The following BICC1 variants were observed in gnomAD, a reference collection of about 807,000 sequenced individuals.
The protein encoded by BICC1 is BicC family RNA binding protein 1.
Under a neutral mutation model 111.0 loss-of-function variants are expected in BICC1, and 43 were observed. The ratio of observed to expected loss-of-function variants is 0.39; its 90% CI spans 0.30 to 0.50. The LOEUF is 0.50. Ranked by LOEUF, BICC1 falls within the 20% of genes least tolerant of loss-of-function variation. The probability of loss-of-function intolerance (pLI) is 0.88; values close to 1 mark genes in which losing one functional copy is unlikely to be tolerated. For missense variants in BICC1, 1,091 were observed against 1,203.2 expected, an observed-to-expected ratio of 0.91 and a Z score of 1.38; for synonymous variants, 467 against 434.4, an observed-to-expected ratio of 1.07 and a Z score of -0.93.
At chr10:58,806,145 C>T (rs984964741) in intron 15 of BICC1, among the ~76,000 whole-genome samples, 3 of 152,068 alleles carry the variant, frequency 2.0e-5, no homozygotes, top group Non-Finnish European at 4.4e-5. Flanking sequence ...CTTCAGGCCA[C>T]GCTTACCTAA....
intron 2 of BICC1, among the ~76,000 whole-genome samples, chr10:58,664,107 A>G (rs1838932759): frequency 6.6e-6 from 1 of 152,140 alleles, no homozygotes; most frequent in Non-Finnish European, 1.5e-5. Context: ...GGCTCATGTA[A>G]GTGTGTGTTT....
chr10:58,705,489 A>AC (rs1429167767), intron 3 of BICC1, among the ~76,000 whole-genome samples: 4 of 152,156 alleles, frequency 2.6e-5, no homozygotes, highest in Admixed American at 6.6e-5. Context: ...TGGATAAAAG[A>AC]CCATCTAATT....
chr10:58,620,063 T>C lies in BICC1; in HGVS notation c.191-792T>C, dbSNP rs533107145. ...CCTGAGTCAGAGTCCTGTTTGGCCT[T>C]AGAAAGATGCAGTCTGAGTCTGTTG... On this transcript the variant is annotated intron_variant, in intron 1 of 20. Coordinates refer to ENST00000373886, the MANE Select transcript of BICC1 (RefSeq NM_001080512.3). Among the ~76,000 whole-genome samples the C allele has an allele frequency of 2.0e-5, 3 of 152,296 alleles. No homozygotes were observed. In the East Asian group the frequency reaches 5.8e-4, roughly 29 times the overall value.
chr10:58,608,178 C>T lies in BICC1; in HGVS notation c.191-12677C>T, dbSNP rs374503673. Among the ~76,000 whole-genome samples the T allele has an allele frequency of 3.3e-5, 5 of 152,170 alleles. No homozygotes were observed. The South Asian group carries it at 8.3e-4, about 25-fold the overall frequency. On this transcript the variant is annotated intron_variant, in intron 1 of 20. Transcript: ENST00000373886. ...CTGTATCACTACCCCCTTTTCCTCC[C>T]GCATTCTATAACAACCATAAAACTA...
chr10:58,706,227 A>G (rs577752438), intron 3 of BICC1, among the ~76,000 whole-genome samples: 2 of 152,326 alleles, frequency 1.3e-5, no homozygotes, highest in East Asian at 3.9e-4. Context: ...TGAACATGCT[A>G]TTCTGAATCA....
intron 2 of BICC1, among the ~76,000 whole-genome samples, chr10:58,683,509 A>G (rs1306336994): frequency 1.3e-5 from 2 of 152,330 alleles, no homozygotes; most frequent in East Asian, 1.9e-4. Context: ...CTTCCTATCC[A>G]TGAGCATGGA....
At chr10:58,592,556 C>CA (rs34783089) in intron 1 of BICC1, among the ~76,000 whole-genome samples, 117,200 of 151,424 alleles carry the variant, frequency 0.77, 45,746 homozygotes, top group East Asian at 0.98. Context: ...ACTAAAAATA[C>CA]AAAAATTAGA....
chr10:58,558,769 A>G (rs563039085), intron 1 of BICC1, among the ~76,000 whole-genome samples: 1 of 152,070 alleles, frequency 6.6e-6, no homozygotes. Flanking sequence ...GAAGTCCAAG[A>G]TCAAGGTGCT....
Position 58,513,437 on chromosome 10 carries a change from C to T in BICC1, c.190+104C>T, listed in dbSNP as rs572667497. 5.2e-4 allele frequency: 475 copies of T among 908,174 alleles called. 5 individuals carry two copies. The African/African-American group carries it at 8.0e-3, about 15-fold the overall frequency. The allele number at this position is 908,174 out of a possible 1,614,324, so 56.3% of individuals were successfully genotyped here. A position where few individuals can be genotyped will look rare whatever the true frequency, so the allele number is the denominator to read the frequency against. On this transcript the variant is annotated intron_variant, in intron 1 of 20. Coordinates refer to ENST00000373886, the MANE Select transcript of BICC1 (RefSeq NM_001080512.3). Reference sequence around the variant, plus strand: ...GCCCGCTACTCCAGCCTACGGCCGGCCGGTTTAGCTCCAGGCCCGCTCCCC... The same window carrying T: ...GCCCGCTACTCCAGCCTACGGCCGGTCGGTTTAGCTCCAGGCCCGCTCCCC...
intron 3 of BICC1, among the ~76,000 whole-genome samples, chr10:58,769,222 G>C (rs72804409): frequency 0.03 from 4,554 of 151,402 alleles, 182 homozygotes; most frequent in African/African-American, 0.096. Context: ...GTACAGTGTG[G>C]TGACTATAGC....
chr10:58,701,965 A>G, intron 2 of BICC1, 109 bp from the exon 3 acceptor site: 1 of 701,946 alleles, frequency 1.4e-6, no homozygotes, highest in Non-Finnish European at 2.3e-6. Context: ...ATCATTTTGT[A>G]TGAACATGAA....
At chr10:58,595,582 C>T (rs1844785640) in intron 1 of BICC1, among the ~76,000 whole-genome samples, 1 of 152,188 alleles carries the variant, frequency 6.6e-6, no homozygotes, top group Admixed American at 6.5e-5. Flanking sequence ...CACACAACTA[C>T]ATGGAAACTG....
intron 1 of BICC1, among the ~76,000 whole-genome samples, chr10:58,579,897 T>C (rs928173017): frequency 1.3e-5 from 2 of 152,000 alleles, no homozygotes; most frequent in African/African-American, 2.4e-5. Flanking sequence ...GAATATATAC[T>C]CTAGCTTACT....
At chr10:58,794,763 G>A (rs1843297505) in intron 9 of BICC1, among the ~76,000 whole-genome samples, 1 of 152,122 alleles carries the variant, frequency 6.6e-6, no homozygotes, top group East Asian at 1.9e-4. Flanking sequence ...TGAGGAAAGA[G>A]GAATGTTTCT....
At chr10:58,784,180 A>G (rs1196880546) in intron 3 of BICC1, among the ~76,000 whole-genome samples, 1 of 152,008 alleles carries the variant, frequency 6.6e-6, no homozygotes, top group Non-Finnish European at 1.5e-5. Context: ...TTATTTGATT[A>G]AATTATATTT....
chr10:58,724,450 G>T lies in BICC1; in HGVS notation c.307+22307G>T, dbSNP rs540594829. 2.0e-5 allele frequency among the ~76,000 whole-genome samples: 3 copies of T among 152,088 alleles called. No individual in the cohort carries two copies. The East Asian group carries it at 5.8e-4, about 29-fold the overall frequency. On this transcript the variant is annotated intron_variant, in intron 3 of 20. Coordinates refer to ENST00000373886, the MANE Select transcript of BICC1 (RefSeq NM_001080512.3). ...GCACATATACAAATACTTAAGTGCT[G>T]GTTAGAATTGATCTGACCCTCTCCC...
intron 3 of BICC1, among the ~76,000 whole-genome samples, chr10:58,745,773 G>A (rs1432423724): frequency 6.6e-6 from 1 of 151,984 alleles, no homozygotes; most frequent in Non-Finnish European, 1.5e-5. Flanking sequence ...TTTGAGATCA[G>A]CTAACTTTTT....
At chr10:58,821,616 T>C (rs907655068) in intron 20 of BICC1, among the ~76,000 whole-genome samples, 1 of 151,728 alleles carries the variant, frequency 6.6e-6, no homozygotes, top group Non-Finnish European at 1.5e-5. Flanking sequence ...CTTCTGTGGA[T>C]AGAGTTCTAC....
chr10:58,769,376 A>ATGTGTGTG (rs71006205), intron 3 of BICC1, among the ~76,000 whole-genome samples: 1 of 73,324 alleles, frequency 1.4e-5, no homozygotes, highest in African/African-American at 3.9e-5. Context: ...TTTATAATGT[A>ATGTGTGTG]TGTGTGTGTG....
Sources: allele counts gnomAD v4.1 joint callset (sites outside exome capture counted in the v4.1 genomes callset), GRCh38; gene constraint gnomAD v4.1.1; transcripts MANE v1.5; gene names NCBI Gene and HGNC (gene_info 2026-07-23, HGNC 2026-07-21).